The following IPO8 variants were observed in gnomAD, a reference collection of about 807,000 sequenced individuals.
The protein encoded by IPO8 is importin 8, also known as importin-8.
IPO8 carries 65 observed loss-of-function variants against 141.2 expected under a neutral mutation model. The ratio of observed to expected loss-of-function variants is 0.46; its 90% CI spans 0.38 to 0.57. The LOEUF (loss-of-function observed/expected upper bound fraction) is 0.57, where lower values mean the gene tolerates loss of function less well. IPO8 is among the 20% of genes least tolerant of loss of function. The pLI, the probability that IPO8 is intolerant of heterozygous loss-of-function variation, is 0.00. For missense variants in IPO8, 980 were observed against 1,246.8 expected, an observed-to-expected ratio of 0.79 and a Z score of 3.22; for synonymous variants, 411 against 420.3, an observed-to-expected ratio of 0.98 and a Z score of 0.27.
intron 5 of IPO8, 87 bp downstream of exon 5, chr12:30,680,395 T>C: frequency 9.9e-7 from 1 of 1,011,082 alleles, no homozygotes; most frequent in Non-Finnish European, 1.4e-6. Context: ...AAATAATTTT[T>C]AATAATAAGT....
chr12:30,665,120 T>C lies in IPO8; in HGVS notation c.1428+100A>G, dbSNP rs181634336. The C allele has an allele frequency of 2.0e-4, 133 of 680,900 alleles. No homozygotes were observed. The African/African-American group carries it at 2.2e-3, about 11-fold the overall frequency. 42.2% of individuals were successfully genotyped at this position (680,900 alleles called of 1,614,324 possible). Reference sequence around the variant, plus strand: ...AGACATTCTAATTGACTCTATTTCATCTCAATATGTGGCAAAAGGTCAATT... The same window carrying C: ...AGACATTCTAATTGACTCTATTTCACCTCAATATGTGGCAAAAGGTCAATT... On this transcript the variant is annotated intron_variant, in intron 13 of 24. Transcript: ENST00000256079.
intron 19 of IPO8, among the ~76,000 whole-genome samples, chr12:30,650,010 CAGAG>C (rs929513698): frequency 1.3e-5 from 2 of 149,196 alleles, no homozygotes; most frequent in African/African-American, 4.9e-5. Flanking sequence ...AAAGAGGTAA[CAGAG>C]AGAACTAAAA....
At chr12:30,685,027 ATC>A (rs1441461129) in intron 2 of IPO8, among the ~76,000 whole-genome samples, 1 of 152,228 alleles carries the variant, frequency 6.6e-6, no homozygotes, top group East Asian at 1.9e-4. Flanking sequence ...AAAATACATA[ATC>A]TGATTTTGTT....
chr12:30,683,406 A>G (rs577330432), intron 3 of IPO8, among the ~76,000 whole-genome samples: 6 of 152,264 alleles, frequency 3.9e-5, no homozygotes, highest in Non-Finnish European at 7.4e-5. Context: ...TTAGATACTA[A>G]GGGCTAACGT....
Position 30,634,226 on chromosome 12 carries a change from T to C in IPO8, c.2756A>G (p.Asn919Ser), listed in dbSNP as rs570249891. The C allele has an allele frequency of 1.2e-6, 2 of 1,614,028 alleles. No individual in the cohort carries two copies. The highest frequency in any genetic ancestry group is 4.5e-5 in the East Asian group (2 of 44,870). ...NVTAQAMQSN[N>S]GRGEDEEEED... The stretch of plus-strand genomic sequence containing the variant: ...CTCCTCCTCATCTTCACCTCTTCCA[T>C]TATTTGACTGCATTGCTTGAGCAGT... The change falls in exon 23 of 25, where the codon AAT becomes AGT. Residue 919 changes from asparagine to serine, a missense_variant. Around this residue, in one of 3 missense-constraint regions of IPO8, gnomAD observed 924 missense variants for 1,153.9 expected, o/e 0.80. Coordinates refer to ENST00000256079, the MANE Select transcript of IPO8 (RefSeq NM_006390.4).
chr12:30,650,731 CA>C (rs2052715152), intron 19 of IPO8, among the ~76,000 whole-genome samples: 1 of 151,946 alleles, frequency 6.6e-6, no homozygotes, highest in South Asian at 2.1e-4. Flanking sequence ...TTTGGTTTGC[CA>C]AAAGGAAAGA....
chr12:30,665,293 T>C lies in IPO8; in HGVS notation c.1355A>G (p.Asp452Gly). 6.3e-7 allele frequency: 1 copy of C among 1,586,610 alleles called. No homozygotes were observed. The highest frequency in any genetic ancestry group is 8.6e-7 in the Non-Finnish European group (1 of 1,159,214). Residue 452 changes from aspartate (D) to glycine (G), a missense_variant, in exon 13 of 25, where the codon GAC (aspartate) becomes GGC (glycine). This residue lies in a region of IPO8 where 924 missense variants were observed against 1,153.9 expected (regional missense o/e 0.80). Coordinates refer to ENST00000256079, the MANE Select transcript of IPO8 (RefSeq NM_006390.4). Reference sequence around the variant, plus strand: ...ATTTTGTAGAAACAGCTCCATTTGGTCCTTGAATAAACTCTTCTATTAGGA... The same window carrying C: ...ATTTTGTAGAAACAGCTCCATTTGGCCCTTGAATAAACTCTTCTATTAGGA... The part of the protein sequence containing the change: ...EILLKKSLFK[D>G]QMELFLQNHV...
intron 19 of IPO8, among the ~76,000 whole-genome samples, chr12:30,651,714 TATAAGG>T (rs2052729110): frequency 6.6e-6 from 1 of 152,144 alleles, no homozygotes; most frequent in Non-Finnish European, 1.5e-5. Flanking sequence ...CATGTTTGTG[TATAAGG>T]ATAACAGTAG....
chr12:30,632,728 T>C (rs75738788), intron 23 of IPO8, among the ~76,000 whole-genome samples: 8,335 of 152,244 alleles, frequency 0.055, 349 homozygotes, highest in African/African-American at 0.12. Flanking sequence ...CATCTAGTCC[T>C]TTCCAGTTTT....
At chr12:30,668,099 C>T (rs1319173085) in intron 10 of IPO8, among the ~76,000 whole-genome samples, 1 of 152,016 alleles carries the variant, frequency 6.6e-6, no homozygotes. Context: ...TGGCTAATCA[C>T]TCAAAGCAAA....
intron 20 of IPO8, 90 bp from the exon 21 acceptor site, chr12:30,639,825 A>G: frequency 1.2e-6 from 1 of 867,028 alleles, no homozygotes; most frequent in Non-Finnish European, 1.9e-6. Context: ...CTCAATAAAT[A>G]AGACAGTCTT....
chr12:30,630,687 G>T lies in IPO8; in HGVS notation c.*173C>A. Reference sequence around the variant, plus strand: ...TAGCTGTTTAAAATATATATTTCAGGGTGACAAAGGTCAAAGGGGAAAGAG... The same window carrying T: ...TAGCTGTTTAAAATATATATTTCAGTGTGACAAAGGTCAAAGGGGAAAGAG... On this transcript the variant is annotated 3_prime_UTR_variant, in exon 25 of 25. Coordinates refer to ENST00000256079, the MANE Select transcript of IPO8 (RefSeq NM_006390.4). The T allele has an allele frequency of 1.4e-5, 8 of 566,052 alleles. No homozygotes were observed. The highest frequency in any genetic ancestry group is 2.9e-5 in the East Asian group (1 of 34,186). The allele number at this position is 566,052 out of a possible 1,614,324, so 35.1% of individuals were successfully genotyped here.
chr12:30,679,620 T>C (rs1280225738), intron 5 of IPO8, among the ~76,000 whole-genome samples: 2 of 152,124 alleles, frequency 1.3e-5, no homozygotes, highest in Non-Finnish European at 2.9e-5. Context: ...ACTATCCCTA[T>C]TAAAAGTTTA....
chr12:30,661,396 C>A (rs1426176160), intron 15 of IPO8, 130 bp from the exon 16 acceptor site: 2 of 636,800 alleles, frequency 3.1e-6, no homozygotes, highest in Non-Finnish European at 4.9e-6. Flanking sequence ...CTGCACTTTG[C>A]TGACTGAATC....
intron 7 of IPO8, 93 bp from the exon 8 acceptor site, chr12:30,674,167 G>A: frequency 1.4e-6 from 1 of 739,940 alleles, no homozygotes; most frequent in Non-Finnish European, 2.2e-6. Flanking sequence ...TTCAAAGATG[G>A]ATTCTACTGG....
At chr12:30,684,499 G>A (rs968772850) in intron 2 of IPO8, 42 bp from the exon 3 acceptor site, 4 of 1,598,360 alleles carry the variant, frequency 2.5e-6, no homozygotes, top group African/African-American at 1.3e-5. Flanking sequence ...TACCAAAAAG[G>A]ATGGCTTTAA....
rs770478904 is a variant in IPO8 at position 30,695,085 on chromosome 12, G to A, written c.84+479C>T. On this transcript the variant is annotated intron_variant, in intron 1 of 24. Transcript: ENST00000256079. This position sits in a 1 kb window ranked among gnomAD's most constrained non-coding sequence, Gnocchi z 4.2. ...GCTCCGCAAAACTCGGCCAATCGGT[G>A]TCAAAACAGTCCTGCCAACCCGACA... The A allele has an allele frequency of 6.6e-5, 30 of 453,572 alleles. No homozygotes were observed. Among genetic ancestry groups the A allele is most frequent in the Non-Finnish European group, 1.3e-4 (29 of 226,354 alleles). The allele number at this position is 453,572 out of a possible 1,614,324, so 28.1% of individuals were successfully genotyped here. A position where few individuals can be genotyped will look rare whatever the true frequency, so the allele number is the denominator to read the frequency against.
chr12:30,639,787 T>C (rs1285892422), intron 20 of IPO8, 52 bp from the exon 21 acceptor site: 2 of 1,310,630 alleles, frequency 1.5e-6, no homozygotes, highest in Non-Finnish European at 1.1e-6. Context: ...AAGTAACTTT[T>C]ATAGAAGCTG....
Position 30,695,681 on chromosome 12 carries a change from A to G in IPO8, c.-34T>C. The G allele has an allele frequency of 1.3e-6, 2 of 1,589,824 alleles. No individual in the cohort carries two copies. Among genetic ancestry groups the G allele is most frequent in the South Asian group, 1.1e-5 (1 of 90,402 alleles). Reference sequence around the variant, plus strand: ...GTGGGGGCTCCGCGGCCCCCGGAACAGTAGGCCGGACTGCAGCTTTAGTTT... The same window carrying G: ...GTGGGGGCTCCGCGGCCCCCGGAACGGTAGGCCGGACTGCAGCTTTAGTTT... On this transcript the variant is annotated 5_prime_UTR_variant, in exon 1 of 25. Transcript: ENST00000256079. This position sits in a 1 kb window ranked among gnomAD's most constrained non-coding sequence, Gnocchi z 4.2.
Sources: gnomAD v4.1 joint callset for allele counts (sites outside exome capture counted in the v4.1 genomes callset) on GRCh38, gnomAD v4.1.1 for gene constraint, gnomAD v4.1.1 regional missense constraint, Gnocchi (gnomAD v3.1) non-coding constraint, MANE v1.5 for transcripts, NCBI Gene and HGNC (gene_info 2026-07-23, HGNC 2026-07-21) for gene names.